The following NIPA2 variants were observed in gnomAD, a reference collection of about 807,000 sequenced individuals.
The protein encoded by NIPA2 is magnesium transporter NIPA2.
In NIPA2, 11 loss-of-function variants were observed where a neutral mutation model predicts 29.7. The ratio of observed to expected loss-of-function variants is 0.37; its 90% CI spans 0.23 to 0.61. The LOEUF is 0.61. Ranked by LOEUF, NIPA2 falls within the 20% of genes least tolerant of loss-of-function variation. The pLI is 0.66. For missense variants in NIPA2, 426 were observed against 437.9 expected (o/e 0.97, Z 0.24); for synonymous variants, 183 against 161.9 (o/e 1.13, Z -0.99).
In NIPA2 at chr15:22,867,779, G is replaced by GTCTC. The variant is rs1233524198; in HGVS notation, c.*934_*937dup. On this transcript the variant is annotated 3_prime_UTR_variant, in exon 8 of 8. Transcript: ENST00000337451. ...AAACTTAACATGTTTATAGAATATG[G>GTCTC]TCTCTTTGTACCAAGTACTTTGCTT... 1 of 152,252 alleles carries GTCTC rather than the reference G, an allele frequency of 6.6e-6. No homozygotes were observed. The highest frequency in any genetic ancestry group is 2.1e-4 in the South Asian group (1 of 4,830). The allele number at this position is 152,252 out of a possible 1,614,324, so 9.4% of individuals were successfully genotyped here. A position where few individuals can be genotyped will look rare whatever the true frequency, so the allele number is the denominator to read the frequency against.
At chr15:22,847,906 T>C (rs1795026106) in intron 3 of NIPA2, among the ~76,000 whole-genome samples, 1 of 152,170 alleles carries the variant, frequency 6.6e-6, no homozygotes, top group Non-Finnish European at 1.5e-5. Context: ...GAGGCAATTC[T>C]CCTGCCTCAG....
At position 22,867,385 on chromosome 15, in the gene NIPA2, C is replaced by CA. The variant is rs2059175613; in HGVS notation, c.*542dup. The CA allele has an allele frequency of 7.7e-6, 3 of 388,568 alleles. No individual in the cohort carries two copies. Among genetic ancestry groups the CA allele is most frequent in the Non-Finnish European group, 1.4e-5 (3 of 220,802 alleles). The allele number at this position is 388,568 out of a possible 1,614,324, so 24.1% of individuals were successfully genotyped here. On this transcript the variant is annotated 3_prime_UTR_variant, in exon 8 of 8. Transcript: ENST00000337451. ...ACTGAATGAAGGAACCTCTTTCTTA[C>CA]AAAACAAAAAAAAGGGCAGAAATCA...
At chr15:22,857,370 G>A (rs1423000610) in intron 5 of NIPA2, among the ~76,000 whole-genome samples, 1 of 151,416 alleles carries the variant, frequency 6.6e-6, no homozygotes, top group East Asian at 1.9e-4. Context: ...TTGGGAGGTG[G>A]AGGTTGTAGT....
chr15:22,859,481 A>G (rs1240987953), intron 6 of NIPA2, among the ~76,000 whole-genome samples: 2 of 151,994 alleles, frequency 1.3e-5, no homozygotes, highest in East Asian at 3.9e-4. Flanking sequence ...TTTAGTAGAG[A>G]TGTGGTTTCA....
chr15:22,843,328 C>T (rs575717129), intron 2 of NIPA2, among the ~76,000 whole-genome samples: 22 of 151,776 alleles, frequency 1.4e-4, no homozygotes, highest in Middle Eastern at 6.8e-3. Flanking sequence ...CATGGTGAAA[C>T]CCCCGTCTCT....
At position 22,866,524 on chromosome 15, in the gene NIPA2, G is replaced by A; in HGVS notation, c.760G>A (p.Val254Ile). 6.2e-7 allele frequency: 1 copy of A among 1,613,754 alleles called. No individual in the cohort carries two copies. The highest frequency in any genetic ancestry group is 8.5e-7 in the Non-Finnish European group (1 of 1,179,672). Residue 254 changes from valine (V) to isoleucine (I), a missense_variant, in exon 8 of 8, where the codon GTA becomes ATA. By Grantham distance (29) the Val-to-Ile change is conservative (BLOSUM62 3). Around this residue, in one of 3 missense-constraint regions of NIPA2, gnomAD observed 357 missense variants for 339.8 expected, o/e 1.05. Transcript: ENST00000337451. Reference protein sequence around the residue: ...NTSIVTPIYYVFFTTSVLTCS... With the variant: ...NTSIVTPIYYIFFTTSVLTCS... ...TTCCATTGTGACTCCAATATATTAT[G>A]TATTCTTTACAACATCAGTTTTAAC...
At chr15:22,863,029 GT>G (rs2058729563) in intron 7 of NIPA2, among the ~76,000 whole-genome samples, 1 of 148,806 alleles carries the variant, frequency 6.7e-6, no homozygotes, top group Non-Finnish European at 1.5e-5. Context: ...AGCCTCCTGT[GT>G]AGCTGGGACT....
intron 3 of NIPA2, among the ~76,000 whole-genome samples, chr15:22,850,322 G>A (rs566885648): frequency 1.5e-3 from 221 of 152,058 alleles, no homozygotes; most frequent in Middle Eastern, 0.014. Flanking sequence ...AAGTAAGAGA[G>A]GCCTCTAGGT....
chr15:22,861,411 T>C (rs550112217), intron 7 of NIPA2, among the ~76,000 whole-genome samples: 2 of 152,306 alleles, frequency 1.3e-5, no homozygotes, highest in African/African-American at 4.8e-5. Context: ...CCCTTCAGTT[T>C]GCTTTTTCTT....
chr15:22,846,816 CA>C (rs1555380235), intron 3 of NIPA2, among the ~76,000 whole-genome samples: 1 of 60,950 alleles, frequency 1.6e-5, no homozygotes, highest in South Asian at 7.5e-4. Context: ...ACCCTGTCTC[CA>C]AAATAATAAT....
intron 7 of NIPA2, among the ~76,000 whole-genome samples, chr15:22,865,265 T>A (rs2058922883): frequency 6.6e-6 from 1 of 151,390 alleles, no homozygotes. Context: ...AGCGGGTGGA[T>A]CACGAGGTCA....
intron 7 of NIPA2, among the ~76,000 whole-genome samples, chr15:22,861,980 C>T (rs1256672083): frequency 1.4e-5 from 2 of 142,720 alleles, no homozygotes; most frequent in East Asian, 2.2e-4. Flanking sequence ...ACAAGTGATC[C>T]ACCCACCTTG....
At chr15:22,842,441 G>C (rs1383725371) in intron 2 of NIPA2, among the ~76,000 whole-genome samples, 1 of 152,142 alleles carries the variant, frequency 6.6e-6, no homozygotes, top group African/African-American at 2.4e-5. Flanking sequence ...TGTAATCCCA[G>C]CACTTTGGGA....
chr15:22,857,170 C>T (rs2058242114), intron 5 of NIPA2, among the ~76,000 whole-genome samples: 1 of 152,222 alleles, frequency 6.6e-6, no homozygotes, highest in Non-Finnish European at 1.5e-5. Context: ...GTGGCTCACG[C>T]CTGTAATCCC....
chr15:22,862,049 C>CTTTTTT lies in NIPA2; in HGVS notation c.448+1270_448+1275dup, dbSNP rs57513456. ...ACCATGCCTCGCCTGATGGGTCTCT[C>CTTTTTT]TTTTTTTTTTTTTTTGAGACAGAGT... On this transcript the variant is annotated intron_variant, in intron 7 of 7. Coordinates refer to ENST00000337451, the MANE Select transcript of NIPA2 (RefSeq NM_030922.7). 4.1e-3 allele frequency among the ~76,000 whole-genome samples: 425 copies of CTTTTTT among 103,794 alleles called. 6 individuals are homozygous for CTTTTTT. Among genetic ancestry groups the CTTTTTT allele is most frequent in the African/African-American group, 6.7e-3 (178 of 26,636 alleles). 68.1% of individuals were successfully genotyped at this position (103,794 alleles called of 152,430 possible). A position where few individuals can be genotyped will look rare whatever the true frequency, so the allele number is the denominator to read the frequency against.
chr15:22,840,190 G>A (rs916972584), intron 2 of NIPA2, among the ~76,000 whole-genome samples: 1 of 151,950 alleles, frequency 6.6e-6, no homozygotes, highest in South Asian at 2.1e-4. Context: ...AAAGTGCGGG[G>A]ATTACAGGTG....
chr15:22,849,838 A>G (rs1436520977), intron 3 of NIPA2, among the ~76,000 whole-genome samples: 1 of 152,090 alleles, frequency 6.6e-6, no homozygotes, highest in South Asian at 2.1e-4. Context: ...CTGGGATTAC[A>G]TGTGTGAGCC....
chr15:22,848,968 C>T (rs762902120), intron 3 of NIPA2, among the ~76,000 whole-genome samples: 19 of 152,044 alleles, frequency 1.2e-4, no homozygotes, highest in Non-Finnish European at 2.4e-4. Flanking sequence ...AGCCCAGGAG[C>T]TTACAGTCTG....
At chr15:22,857,205 T>C (rs1595371132) in intron 5 of NIPA2, among the ~76,000 whole-genome samples, 1 of 151,342 alleles carries the variant, frequency 6.6e-6, no homozygotes, top group Non-Finnish European at 1.5e-5. Context: ...CTGAGGCGGG[T>C]GGATCACCTT....
Sources: allele counts gnomAD v4.1 joint callset (sites outside exome capture counted in the v4.1 genomes callset), GRCh38; gene constraint gnomAD v4.1.1; regional missense constraint gnomAD v4.1.1; transcripts MANE v1.5; gene names NCBI Gene and HGNC (gene_info 2026-07-23, HGNC 2026-07-21).